Variants in GSN observed in about 807,000 individuals in gnomAD.
The protein encoded by GSN is gelsolin, also known as actin-depolymerizing factor.
Under a neutral mutation model 85.7 loss-of-function variants are expected in GSN, and 56 were observed. The observed-to-expected ratio is 0.65, with a 90% confidence interval of 0.53 to 0.82. The LOEUF (loss-of-function observed/expected upper bound fraction) is 0.82. Among genes scored for constraint, GSN ranks in the 40% least tolerant of loss-of-function variants. The pLI, the probability that GSN is intolerant of heterozygous loss-of-function variation, is 0.00. For synonymous variants in GSN, 373 were observed against 399.1 expected (o/e 0.93, Z 0.78); for missense variants, 857 against 979.8 (o/e 0.87, Z 1.67).
intron 7 of GSN, 118 bp from the exon 8 acceptor site, chr9:121,316,968 G>A: frequency 7.9e-7 from 1 of 1,263,858 alleles, no homozygotes; most frequent in Non-Finnish European, 1.1e-6. Context: ...GCGAGAGGAA[G>A]CCCAGGTGTT....
At chr9:121,272,850 A>G (rs574764076) in intron 1 of GSN, among the ~76,000 whole-genome samples, 2 of 152,212 alleles carry the variant, frequency 1.3e-5, no homozygotes, top group South Asian at 2.1e-4. Context: ...TGAGTCTCAC[A>G]ATAGTCCTGG....
chr9:121,246,360 A>C (rs1270660948), intron 5 of GSN, among the ~76,000 whole-genome samples: 2 of 152,226 alleles, frequency 1.3e-5, no homozygotes, highest in Admixed American at 1.3e-4. Flanking sequence ...AGCAAGCTTG[A>C]GGCCTAAAGC....
rs746450708 is a variant in GSN, at chr9:121,302,921, C to T, written c.207C>T (p.Cys69=). 6.2e-7 allele frequency: 1 copy of T among 1,613,704 alleles called. No individual in the cohort carries two copies. Among genetic ancestry groups the T allele is most frequent in the African/African-American group, 1.3e-5 (1 of 74,918 alleles). ...YDLHYWLGNE[C]SQDESGAAAI... ...TCTGATGTCCCGTAGGCAATGAGTG[C>T]AGCCAGGATGAGAGCGGGGCGGCCG... is the stretch of plus-strand genomic sequence containing the variant. Residue 69 remains cysteine, a synonymous_variant, in exon 4 of 18, where the codon TGC becomes TGT. Transcript: ENST00000432226.
At chr9:121,280,438 C>A (rs900198185) in intron 1 of GSN, 1 of 152,178 alleles carries the variant, frequency 6.6e-6, no homozygotes, top group African/African-American at 2.4e-5. Flanking sequence ...GAGCTTACAG[C>A]CTAGAGGGAG....
chr9:121,230,427 C>A (rs1019062974), intron 4 of GSN, among the ~76,000 whole-genome samples: 3 of 152,200 alleles, frequency 2.0e-5, no homozygotes, highest in Non-Finnish European at 4.4e-5. Flanking sequence ...GCGCACAGAG[C>A]TTGCCTAATA....
chr9:121,295,699 G>A (rs542304054), intron 2 of GSN, among the ~76,000 whole-genome samples: 5 of 152,286 alleles, frequency 3.3e-5, no homozygotes, highest in Admixed American at 3.3e-4. Context: ...TACAGGGGAG[G>A]GAGGGGTCCC....
At chr9:121,227,710 C>T (rs771226838) in intron 4 of GSN, among the ~76,000 whole-genome samples, 4 of 152,116 alleles carry the variant, frequency 2.6e-5, no homozygotes, top group African/African-American at 4.8e-5. Context: ...AATACACCCT[C>T]ACATTGGTGT....
rs75473525 is a variant in GSN, at chr9:121,299,557, C to T, written c.-9-2406C>T. On this transcript the variant is annotated intron_variant, in intron 2 of 17. Transcript: ENST00000432226. The surrounding 1 kb of genome is among the most constrained non-coding windows in gnomAD (Gnocchi z 4.2). ...GAGGCGAGGGGGCTCGCGTGCGTCG[C>T]AGGAGGCTCAGCTGGGCTCGCCGCC... is the stretch of plus-strand genomic sequence containing the variant. 16,040 of 789,000 alleles carry T rather than the reference C, an allele frequency of 0.02. 695 individuals carry two copies. The highest frequency in any genetic ancestry group is 0.14 in the Admixed American group (2,313 of 16,028). The allele number at this position is 789,000 out of a possible 1,614,324, so 48.9% of individuals were successfully genotyped here.
At chr9:121,321,230 G>T (rs766163263) in intron 10 of GSN, 38 bp from the exon 11 acceptor site, 2 of 1,611,596 alleles carry the variant, frequency 1.2e-6, no homozygotes, top group South Asian at 1.1e-5. Flanking sequence ...GGGGGTGGGG[G>T]TGCTGCACAG....
At chr9:121,313,066 C>T (rs948334979) in intron 6 of GSN, 3 of 154,552 alleles carry the variant, frequency 1.9e-5, no homozygotes, top group African/African-American at 7.2e-5. Flanking sequence ...GAGCCGCATT[C>T]TCCAGTGGGG....
chr9:121,261,938 G>A lies in GSN; in HGVS notation c.-340-3216G>A, dbSNP rs1392256248. 6.6e-6 allele frequency among the ~76,000 whole-genome samples: 1 copy of A among 152,192 alleles called. No individual in the cohort carries two copies. The highest frequency in any genetic ancestry group is 1.9e-4 in the East Asian group (1 of 5,202). On this transcript the variant is annotated intron_variant, in intron 6 of 24. Coordinates refer to the GSN transcript ENST00000373823. The surrounding 1 kb of genome is among the most constrained non-coding windows in gnomAD (Gnocchi z 4.1). ...GTGTCCTGTCCTTCAAGGCCTCTGA[G>A]TACAAAAATAGCACCATCTCCAAGA... is the stretch of plus-strand genomic sequence containing the variant.
chr9:121,303,140 C>G (rs1327989026), intron 4 of GSN, 75 bp downstream of exon 4: 2 of 1,467,922 alleles, frequency 1.4e-6, no homozygotes, highest in African/African-American at 2.8e-5. Flanking sequence ...GCCCATCTAT[C>G]TTTTGGCCTT....
At chr9:121,286,227 A>C in intron 2 of GSN, 63 of 1,328,372 alleles carry the variant, frequency 4.7e-5, no homozygotes, top group Non-Finnish European at 5.8e-5. Context: ...AAGCCAGCTC[A>C]GAGGAGGGAC....
chr9:121,230,595 C>G (rs1319956254), intron 4 of GSN, among the ~76,000 whole-genome samples: 1 of 152,174 alleles, frequency 6.6e-6, no homozygotes, highest in Admixed American at 6.5e-5. Flanking sequence ...GCAGATTCAG[C>G]CCTTGTGTGT....
At chr9:121,307,778 T>C (rs2060572468) in intron 4 of GSN, among the ~76,000 whole-genome samples, 1 of 152,220 alleles carries the variant, frequency 6.6e-6, no homozygotes, top group Non-Finnish European at 1.5e-5. Context: ...TTGCATTTTC[T>C]TCCCTGGCGG....
intron 4 of GSN, among the ~76,000 whole-genome samples, chr9:121,224,133 G>A (rs2054226412): frequency 6.6e-6 from 1 of 151,868 alleles, no homozygotes; most frequent in African/African-American, 2.4e-5. Context: ...GTCTTGCTTT[G>A]TCGCCCAGGC....
chr9:121,272,359 A>G (rs1157009723), intron 1 of GSN, among the ~76,000 whole-genome samples: 1 of 152,226 alleles, frequency 6.6e-6, no homozygotes, highest in Non-Finnish European at 1.5e-5. Flanking sequence ...GTGACAAAGT[A>G]CTGGGTGACT....
rs951755644 is a variant in GSN, at chr9:121,299,512, C to T, written c.-9-2451C>T. The stretch of plus-strand genomic sequence containing the variant: ...ATTGTTAGTTCATGTTATTTTTTTG[C>T]TGGAGGTGTTAGGTGCGGAGAGGCG... On this transcript the variant is annotated intron_variant, in intron 2 of 17. Coordinates refer to ENST00000432226, the MANE Select transcript of GSN (RefSeq NM_198252.3). This position sits in a 1 kb window ranked among gnomAD's most constrained non-coding sequence, Gnocchi z 4.2. 1 of 978,592 alleles carries T rather than the reference C, an allele frequency of 1.0e-6. No homozygotes were observed. The highest frequency in any genetic ancestry group is 1.2e-6 in the Non-Finnish European group (1 of 823,694). The allele number at this position is 978,592 out of a possible 1,614,324, so 60.6% of individuals were successfully genotyped here.
At chr9:121,303,170 G>C in intron 4 of GSN, 105 bp downstream of exon 4, 1 of 1,090,552 alleles carries the variant, frequency 9.2e-7, no homozygotes, top group African/African-American at 1.5e-5. Flanking sequence ...TGGGCAGACC[G>C]ATCAGAGGTC....
Sources: gnomAD v4.1 joint callset for allele counts (sites outside exome capture counted in the v4.1 genomes callset) on GRCh38, gnomAD v4.1.1 for gene constraint, Gnocchi (gnomAD v3.1) non-coding constraint, MANE v1.5 for transcripts, NCBI Gene and HGNC (gene_info 2026-07-23, HGNC 2026-07-21) for gene names.